Variants in CDH18 observed in about 807,000 individuals in gnomAD.
CDH18 encodes the protein cadherin-18.
A neutral mutation model predicts 67.9 loss-of-function variants in CDH18; 31 were observed. The ratio of observed to expected loss-of-function variants is 0.46; its 90% CI spans 0.34 to 0.62. CDH18 has a LOEUF of 0.62. CDH18 is among the 20% of genes least tolerant of loss of function. The pLI is 0.01. For missense variants in CDH18, 890 were observed against 975.5 expected (o/e 0.91, Z 1.17); for synonymous variants, 362 against 347.2 (o/e 1.04, Z -0.48).
At chr5:20,555,248 G>A (rs1008102203) in intron 1 of CDH18, among the ~76,000 whole-genome samples, 4 of 151,996 alleles carry the variant, frequency 2.6e-5, no homozygotes, top group Non-Finnish European at 4.4e-5. Context: ...CAGGAAGACA[G>A]CCTTCACCAG....
intron 1 of CDH18, among the ~76,000 whole-genome samples, chr5:20,475,209 A>C (rs1374301549): frequency 6.6e-6 from 1 of 152,150 alleles, no homozygotes; most frequent in African/African-American, 2.4e-5. Context: ...TTATTTTCAT[A>C]TTGTAGTTTT....
At chr5:20,054,982 G>A (rs963504398) in intron 2 of CDH18, among the ~76,000 whole-genome samples, 10 of 152,132 alleles carry the variant, frequency 6.6e-5, no homozygotes, top group Non-Finnish European at 1.5e-4. Flanking sequence ...TTCTGGCAAT[G>A]GGCTGTGTAA....
chr5:20,502,980 G>A (rs746858330), intron 1 of CDH18, among the ~76,000 whole-genome samples: 99 of 145,500 alleles, frequency 6.8e-4, no homozygotes, highest in Non-Finnish European at 1.2e-3. Flanking sequence ...ATGAGAAAAA[G>A]GTCAATGCTA....
At chr5:20,093,282 A>G (rs1189101750) in intron 2 of CDH18, among the ~76,000 whole-genome samples, 2 of 151,954 alleles carry the variant, frequency 1.3e-5, no homozygotes, top group Non-Finnish European at 2.9e-5. Context: ...TTTCAATTAC[A>G]ACCACCACCC....
intron 2 of CDH18, among the ~76,000 whole-genome samples, chr5:20,223,955 G>T (rs984546181): frequency 2.6e-5 from 4 of 152,022 alleles, no homozygotes; most frequent in Admixed American, 6.6e-5. Flanking sequence ...TTCTGGATGA[G>T]AAATTATGTT....
At chr5:19,838,489 G>C (rs1781919550) in intron 3 of CDH18, among the ~76,000 whole-genome samples, 1 of 152,090 alleles carries the variant, frequency 6.6e-6, no homozygotes. Context: ...ACTTACAAGA[G>C]AGAACAGAAA....
chr5:19,944,396 G>A (rs1044732350), intron 2 of CDH18, among the ~76,000 whole-genome samples: 2 of 152,064 alleles, frequency 1.3e-5, no homozygotes, highest in African/African-American at 4.8e-5. Flanking sequence ...TCTAAAGTGT[G>A]TATATAATTT....
chr5:20,450,688 A>G (rs1247351989), intron 1 of CDH18, among the ~76,000 whole-genome samples: 1 of 152,182 alleles, frequency 6.6e-6, no homozygotes, highest in Non-Finnish European at 1.5e-5. Flanking sequence ...CAATTAAAAC[A>G]CTAGTCAGTT....
At chr5:19,864,846 T>C (rs1241022718) in intron 2 of CDH18, among the ~76,000 whole-genome samples, 1 of 152,200 alleles carries the variant, frequency 6.6e-6, no homozygotes, top group African/African-American at 2.4e-5. Context: ...TGTGACCCTA[T>C]GGGAACCAGC....
chr5:19,822,896 G>A (rs1178646286), intron 3 of CDH18, among the ~76,000 whole-genome samples: 1 of 152,108 alleles, frequency 6.6e-6, no homozygotes, highest in Non-Finnish European at 1.5e-5. Flanking sequence ...TGGGAGACTG[G>A]GGCTTATTTC....
At chr5:19,575,184 T>A (rs1247142372) in intron 7 of CDH18, among the ~76,000 whole-genome samples, 1 of 152,206 alleles carries the variant, frequency 6.6e-6, no homozygotes, top group Non-Finnish European at 1.5e-5. Context: ...TTTTAGTATA[T>A]TAATTGTCAT....
At chr5:19,961,743 G>A (rs1796925318) in intron 2 of CDH18, among the ~76,000 whole-genome samples, 1 of 151,786 alleles carries the variant, frequency 6.6e-6, no homozygotes, top group South Asian at 2.1e-4. Context: ...TAATTTTAAT[G>A]TTTCGATACA....
At chr5:19,798,081 G>C (rs1353155112) in intron 3 of CDH18, among the ~76,000 whole-genome samples, 1 of 152,006 alleles carries the variant, frequency 6.6e-6, no homozygotes, top group Non-Finnish European at 1.5e-5. Context: ...GCCAGTGAAA[G>C]ATCCTAGTGG....
At chr5:20,178,203 A>G (rs1737391728) in intron 2 of CDH18, among the ~76,000 whole-genome samples, 2 of 152,098 alleles carry the variant, frequency 1.3e-5, no homozygotes, top group Non-Finnish European at 2.9e-5. Flanking sequence ...GCTCAAGACT[A>G]CTGGCTTTCA....
At chr5:20,010,311 T>C (rs995120591) in intron 2 of CDH18, among the ~76,000 whole-genome samples, 1 of 151,944 alleles carries the variant, frequency 6.6e-6, no homozygotes, top group Admixed American at 6.6e-5. Flanking sequence ...CTTGGTTCAA[T>C]TGATTCTCCT....
At chr5:19,879,646 T>A (rs1787405073) in intron 2 of CDH18, among the ~76,000 whole-genome samples, 1 of 152,032 alleles carries the variant, frequency 6.6e-6, no homozygotes, top group African/African-American at 2.4e-5. Flanking sequence ...AAGCATTTGG[T>A]AAGTTTCAGT....
At chr5:19,616,274 C>G in intron 5 of CDH18, among the ~76,000 whole-genome samples, 1 of 151,918 alleles carries the variant, frequency 6.6e-6, no homozygotes, top group Non-Finnish European at 1.5e-5. Context: ...AGTAAACACA[C>G]GCCTACATCC....
At chr5:20,395,712 G>T (rs1745226667) in intron 1 of CDH18, among the ~76,000 whole-genome samples, 1 of 152,248 alleles carries the variant, frequency 6.6e-6, no homozygotes, top group African/African-American at 2.4e-5. Flanking sequence ...GAGATGACTG[G>T]TGGCTGGGGA....
intron 1 of CDH18, among the ~76,000 whole-genome samples, chr5:20,439,450 A>AACAC (rs35650640): frequency 1.4e-4 from 20 of 145,140 alleles, no homozygotes; most frequent in African/African-American, 4.6e-4. Context: ...ACACAAGATA[A>AACAC]ACACACACAC....
Sources: gnomAD v4.1 joint callset for allele counts (sites outside exome capture counted in the v4.1 genomes callset) on GRCh38, gnomAD v4.1.1 for gene constraint, MANE v1.5 for transcripts, NCBI Gene and HGNC (gene_info 2026-07-23, HGNC 2026-07-21) for gene names.